The following CPVL variants were observed in gnomAD, a reference collection of about 807,000 sequenced individuals.
The protein encoded by CPVL is probable serine carboxypeptidase CPVL.
CPVL carries 51 observed loss-of-function variants against 63.7 expected under a neutral mutation model. That is an observed-to-expected ratio of 0.80 (90% CI 0.64 to 1.01). CPVL has a LOEUF of 1.01. Among genes scored for constraint, CPVL ranks in the 50% least tolerant of loss-of-function variants. CPVL has a pLI of 0.00. For missense variants in CPVL, 530 were observed against 573.1 expected (o/e 0.92, Z 0.77); for synonymous variants, 195 against 206.0 (o/e 0.95, Z 0.46).
intron 11 of CPVL, among the ~76,000 whole-genome samples, chr7:29,063,621 A>T (rs1441594279): frequency 6.6e-6 from 1 of 152,040 alleles, no homozygotes; most frequent in Non-Finnish European, 1.5e-5. Context: ...CCCAGGCTGG[A>T]GTGCAATGTT....
chr7:29,131,660 A>G (rs144473018), intron 1 of CPVL, among the ~76,000 whole-genome samples: 3,656 of 152,250 alleles, frequency 0.024, 114 homozygotes, highest in African/African-American at 0.081. Context: ...CCACCGGTGC[A>G]TGCCACCACA....
chr7:29,072,478 A>C, intron 7 of CPVL, 55 bp from the exon 8 acceptor site: 3 of 1,592,718 alleles, frequency 1.9e-6, no homozygotes, highest in Non-Finnish European at 2.6e-6. Flanking sequence ...AGTAAAATTA[A>C]ATGTACTTAA....
chr7:29,092,813 C>T (rs1355682701), intron 5 of CPVL, 111 bp from the exon 6 acceptor site: 1 of 799,216 alleles, frequency 1.3e-6, no homozygotes, highest in East Asian at 2.6e-5. Flanking sequence ...CAAGCTCAGA[C>T]TTCAGATTTT....
intron 12 of CPVL, among the ~76,000 whole-genome samples, chr7:29,028,619 T>C (rs1787715239): frequency 6.6e-6 from 1 of 152,038 alleles, no homozygotes; most frequent in Non-Finnish European, 1.5e-5. Flanking sequence ...ATCCAGAATA[T>C]ACAAGCAACT....
At chr7:29,078,974 C>T (rs565447620) in intron 7 of CPVL, among the ~76,000 whole-genome samples, 8 of 152,286 alleles carry the variant, frequency 5.3e-5, no homozygotes, top group African/African-American at 1.9e-4. Context: ...GTTAAAACAG[C>T]TTGAATGCTA....
chr7:29,160,316 G>A (rs1795002105), intron 5 of CPVL, among the ~76,000 whole-genome samples: 1 of 152,194 alleles, frequency 6.6e-6, no homozygotes, highest in Admixed American at 6.5e-5. Context: ...AAACTTATCT[G>A]ATTCCCTGAT....
At chr7:29,090,026 C>T (rs943932029) in intron 6 of CPVL, among the ~76,000 whole-genome samples, 1 of 152,118 alleles carries the variant, frequency 6.6e-6, no homozygotes, top group Non-Finnish European at 1.5e-5. Context: ...CCAAGCCCAG[C>T]TAATTTTTCT....
chr7:29,050,740 C>A (rs1206345876), intron 11 of CPVL, among the ~76,000 whole-genome samples: 1 of 149,960 alleles, frequency 6.7e-6, no homozygotes, highest in Non-Finnish European at 1.5e-5. Context: ...TTCGAAAAGC[C>A]AATTCTAAAA....
At chr7:29,062,006 A>G (rs1261282520) in intron 11 of CPVL, among the ~76,000 whole-genome samples, 3 of 152,018 alleles carry the variant, frequency 2.0e-5, no homozygotes, top group South Asian at 2.1e-4. Flanking sequence ...CAAATAACAC[A>G]TATCAAACTT....
At chr7:29,016,043 A>G (rs1786371719) in intron 12 of CPVL, among the ~76,000 whole-genome samples, 4 of 152,130 alleles carry the variant, frequency 2.6e-5, no homozygotes, top group Admixed American at 1.3e-4. Flanking sequence ...CATCACCCCT[A>G]TGAAGTAACT....
intron 1 of CPVL, chr7:29,192,908 G>GT (rs2128756563): frequency 6.6e-6 from 1 of 152,346 alleles, no homozygotes; most frequent in East Asian, 1.9e-4. Flanking sequence ...AGTCAAACAA[G>GT]TAAGTGCTGT....
chr7:29,138,597 G>A (rs1388554911), intron 1 of CPVL, among the ~76,000 whole-genome samples: 2 of 152,112 alleles, frequency 1.3e-5, no homozygotes, highest in African/African-American at 2.4e-5. Flanking sequence ...GAGAAAGAGA[G>A]AGACCCAGAT....
rs1314764177 is a variant in CPVL at position 29,087,731 on chromosome 7, G to A, written c.543-1181C>T. 5.9e-5 allele frequency among the ~76,000 whole-genome samples: 9 copies of A among 152,308 alleles called. No individual in the cohort carries two copies. In the East Asian group the frequency reaches 1.7e-3, roughly 29 times the overall value. ...AGGCAAGGAGGCTCTGAAAACCCAG[G>A]AGGATGGCGAAGTTCAAGGGTTACA... On this transcript the variant is annotated intron_variant, in intron 6 of 12. Transcript: ENST00000265394.
intron 6 of CPVL, among the ~76,000 whole-genome samples, chr7:29,091,154 T>C (rs1320906414): frequency 6.6e-6 from 1 of 152,232 alleles, no homozygotes; most frequent in African/African-American, 2.4e-5. Flanking sequence ...ATAGATGCTT[T>C]GAAATAGGTT....
At chr7:29,037,130 T>C (rs967128774) in intron 11 of CPVL, among the ~76,000 whole-genome samples, 1 of 152,196 alleles carries the variant, frequency 6.6e-6, no homozygotes, top group African/African-American at 2.4e-5. Flanking sequence ...AGGATATATG[T>C]TTATAGTTAT....
chr7:29,064,279 G>C (rs1338191170), intron 10 of CPVL, 45 bp from the exon 11 acceptor site: 1 of 1,240,922 alleles, frequency 8.1e-7, no homozygotes, highest in Non-Finnish European at 1.2e-6. Context: ...ATGATTGGTG[G>C]CAGGAACAGT....
At position 28,998,397 on chromosome 7, in the gene CPVL, C is replaced by T. The variant is rs562632424; in HGVS notation, c.1321-2515G>A. 8.5e-5 allele frequency among the ~76,000 whole-genome samples: 13 copies of T among 152,350 alleles called. No homozygotes were observed. In the East Asian group the frequency reaches 2.5e-3, roughly 29 times the overall value. ...AAACAAAGGATAGCACAGTGCTTCA[C>T]AGCCTGGGCTCAGAAGTCAGAGTGC... On this transcript the variant is annotated intron_variant, in intron 12 of 12. Transcript: ENST00000265394.
At chr7:29,064,027 G>C (rs759844491) in intron 11 of CPVL, 34 bp downstream of exon 11, 17 of 1,478,568 alleles carry the variant, frequency 1.1e-5, no homozygotes, top group Admixed American at 1.8e-5. Context: ...TAATCTGAAA[G>C]TTCCTAAAAT....
intron 11 of CPVL, among the ~76,000 whole-genome samples, chr7:29,054,696 A>C (rs1271033034): frequency 6.6e-6 from 1 of 152,196 alleles, no homozygotes; most frequent in Non-Finnish European, 1.5e-5. Context: ...CTGTTTCTTA[A>C]AAATGGCTTT....
Sources: allele counts gnomAD v4.1 joint callset (sites outside exome capture counted in the v4.1 genomes callset), GRCh38; gene constraint gnomAD v4.1.1; transcripts MANE v1.5; gene names NCBI Gene and HGNC (gene_info 2026-07-23, HGNC 2026-07-21).